The following PJA2 variants were observed in gnomAD, a reference collection of about 807,000 sequenced individuals.
PJA2 encodes the protein E3 ubiquitin-protein ligase Praja-2.
Under a neutral mutation model 69.3 loss-of-function variants are expected in PJA2, and 25 were observed. The ratio of observed to expected loss-of-function variants is 0.36; its 90% CI spans 0.26 to 0.50. PJA2 has a LOEUF of 0.50. Ranked by LOEUF, PJA2 falls within the 20% of genes least tolerant of loss-of-function variation. The pLI is 0.96. For missense variants in PJA2, 809 were observed against 830.2 expected (o/e 0.97, Z 0.31); for synonymous variants, 308 against 277.8 (o/e 1.11, Z -1.08).
chr5:109,398,772 A>T (rs999953524), intron 1 of PJA2, among the ~76,000 whole-genome samples: 2 of 151,326 alleles, frequency 1.3e-5, no homozygotes, highest in Non-Finnish European at 2.9e-5. Context: ...AATTTAAAGT[A>T]TAATTTAAAA....
intron 7 of PJA2, among the ~76,000 whole-genome samples, chr5:109,345,251 G>A (rs1291012117): frequency 6.6e-6 from 1 of 151,516 alleles, no homozygotes; most frequent in Non-Finnish European, 1.5e-5. Context: ...AGCTACTTGG[G>A]AGGCTGAGGC....
At chr5:109,398,758 C>A (rs1747474038) in intron 1 of PJA2, among the ~76,000 whole-genome samples, 2 of 151,640 alleles carry the variant, frequency 1.3e-5, no homozygotes, top group East Asian at 3.9e-4. Flanking sequence ...CACATGTACC[C>A]TAGAATTTAA....
At chr5:109,396,425 T>A (rs1228567379) in intron 1 of PJA2, among the ~76,000 whole-genome samples, 1 of 139,374 alleles carries the variant, frequency 7.2e-6, no homozygotes, top group African/African-American at 2.7e-5. Context: ...TAAAGTTCTT[T>A]TTTTTTTTTT....
At chr5:109,370,272 A>T (rs1186078901) in intron 4 of PJA2, among the ~76,000 whole-genome samples, 2 of 152,198 alleles carry the variant, frequency 1.3e-5, no homozygotes, top group South Asian at 4.1e-4. Context: ...TGGAAAATCA[A>T]AAATAACAAT....
At position 109,344,763 on chromosome 5, in the gene PJA2, T is replaced by C; in HGVS notation, c.1821A>G (p.Pro607=). The change falls in exon 8 of 10, where the codon CCA becomes CCG. Residue 607 remains proline, a synonymous_variant. Coordinates refer to ENST00000361189, the MANE Select transcript of PJA2 (RefSeq NM_014819.5). Reference sequence around the variant, plus strand: ...GACCATCAATGCTTTCCTTACTAGCTGGTGGATTGGCCACCTCAACATCCA... The same window carrying C: ...GACCATCAATGCTTTCCTTACTAGCCGGTGGATTGGCCACCTCAACATCCA... The part of the protein sequence containing the change: ...LAVDVEVANP[P]ASKESIDGLP... 2 of 1,614,160 alleles carry C rather than the reference T, an allele frequency of 1.2e-6. No homozygotes were observed. The highest frequency in any genetic ancestry group is 1.7e-6 in the Non-Finnish European group (2 of 1,180,002).
intron 1 of PJA2, among the ~76,000 whole-genome samples, chr5:109,392,839 C>T (rs1308593148): frequency 1.3e-5 from 2 of 152,098 alleles, no homozygotes; most frequent in South Asian, 4.1e-4. Flanking sequence ...CTGTTTCCCA[C>T]AAAATGCAAA....
intron 2 of PJA2, among the ~76,000 whole-genome samples, chr5:109,382,539 T>C (rs910944060): frequency 2.0e-5 from 3 of 152,302 alleles, no homozygotes; most frequent in Admixed American, 6.5e-5. Context: ...TCTCACAGCA[T>C]ATGGTATAGT....
rs917065348 is a variant in PJA2 at position 109,386,529 on chromosome 5, T to C, written c.-87-3009A>G. 1.1e-4 allele frequency among the ~76,000 whole-genome samples: 16 copies of C among 152,352 alleles called. No homozygotes were observed. In the East Asian group the frequency reaches 3.1e-3, roughly 29 times the overall value. On this transcript the variant is annotated intron_variant, in intron 1 of 9. Transcript: ENST00000361189. Reference sequence around the variant, plus strand: ...TACTCTTCGGAGCCGTCTAACATCCTGATCTAAATTTAGTCTACGTGTTTT... The same window carrying C: ...TACTCTTCGGAGCCGTCTAACATCCCGATCTAAATTTAGTCTACGTGTTTT...
In PJA2 at chr5:109,334,905, CAATT is replaced by C. The variant is rs1761911719; in HGVS notation, c.*2322_*2325del. 6.6e-6 allele frequency: 1 copy of C among 152,348 alleles called. No homozygotes were observed. The highest frequency in any genetic ancestry group is 2.4e-5 in the African/African-American group (1 of 41,362). The allele number at this position is 152,348 out of a possible 1,614,324, so 9.4% of individuals were successfully genotyped here. ...ATCACAAATAATCTTAAGAGTTAAACAATTAAGAAACACAAAGAATACCACATAG... is the reference window on the plus strand; with the variant it reads ...ATCACAAATAATCTTAAGAGTTAAACAAGAAACACAAAGAATACCACATAG... On this transcript the variant is annotated 3_prime_UTR_variant, in exon 10 of 10. Coordinates refer to ENST00000361189, the MANE Select transcript of PJA2 (RefSeq NM_014819.5).
At chr5:109,388,699 A>G (rs1747217278) in intron 1 of PJA2, among the ~76,000 whole-genome samples, 2 of 152,180 alleles carry the variant, frequency 1.3e-5, no homozygotes, top group African/African-American at 4.8e-5. Flanking sequence ...ATCAAATACA[A>G]TTTGATCCTT....
At chr5:109,400,888 C>T (rs1392233435) in intron 1 of PJA2, among the ~76,000 whole-genome samples, 1 of 152,088 alleles carries the variant, frequency 6.6e-6, no homozygotes, top group Non-Finnish European at 1.5e-5. Flanking sequence ...GAGGCTGAGG[C>T]AGGAGACTGG....
intron 5 of PJA2, among the ~76,000 whole-genome samples, chr5:109,366,277 A>C (rs950993131): frequency 2.0e-5 from 3 of 152,234 alleles, no homozygotes; most frequent in Admixed American, 1.3e-4. Flanking sequence ...TAAATATGTA[A>C]TCATAGATTC....
chr5:109,337,701 G>A (rs943546783), intron 9 of PJA2, among the ~76,000 whole-genome samples: 1 of 152,028 alleles, frequency 6.6e-6, no homozygotes, highest in African/African-American at 2.4e-5. Context: ...TCCACATGGA[G>A]GTCAGAGTTT....
intron 5 of PJA2, among the ~76,000 whole-genome samples, chr5:109,364,697 A>T (rs540771142): frequency 6.6e-6 from 1 of 152,204 alleles, no homozygotes; most frequent in Non-Finnish European, 1.5e-5. Flanking sequence ...ATTTGGACAC[A>T]AAACTCAAAC....
chr5:109,335,533 C>T lies in PJA2; in HGVS notation c.*1698G>A, dbSNP rs935333580. 2.0e-4 allele frequency: 31 copies of T among 152,026 alleles called. No homozygotes were observed. The highest frequency in any genetic ancestry group is 6.8e-4 in the African/African-American group (28 of 41,402). The allele number at this position is 152,026 out of a possible 1,614,324, so 9.4% of individuals were successfully genotyped here. On this transcript the variant is annotated 3_prime_UTR_variant, in exon 10 of 10. Coordinates refer to ENST00000361189, the MANE Select transcript of PJA2 (RefSeq NM_014819.5). ...AAATCTTTAGCAACGTAAGTTTAAC[C>T]AGTAAGTGTCACAACTGATCAACAG...
rs77272531 is a variant in PJA2, at chr5:109,394,945, G to A, written c.-87-11425C>T. 1.2e-4 allele frequency among the ~76,000 whole-genome samples: 18 copies of A among 152,154 alleles called. No individual in the cohort carries two copies. In the East Asian group the frequency reaches 2.5e-3, roughly 21 times the overall value. ...TAGTAGAAAAGAGGAGGAATATCTC[G>A]CCTAACAATTCAAAGCCACAACTCA... On this transcript the variant is annotated intron_variant, in intron 1 of 9. Transcript: ENST00000361189.
intron 1 of PJA2, among the ~76,000 whole-genome samples, chr5:109,391,640 G>A (rs1240272917): frequency 6.7e-6 from 1 of 150,304 alleles, no homozygotes; most frequent in Non-Finnish European, 1.5e-5. Context: ...AAAAATGAGA[G>A]AAAATAAAAA....
intron 4 of PJA2, among the ~76,000 whole-genome samples, chr5:109,377,500 A>G (rs111499824): frequency 6.4e-4 from 98 of 152,286 alleles, no homozygotes; most frequent in African/African-American, 2.0e-3. Context: ...AGCAATCAGA[A>G]TGCTTATTAT....
intron 1 of PJA2, among the ~76,000 whole-genome samples, chr5:109,409,472 A>C (rs1747776512): frequency 6.6e-6 from 1 of 152,068 alleles, no homozygotes; most frequent in African/African-American, 2.4e-5. Context: ...TACAGTGGCG[A>C]GTGTAGGGGA....
Sources: allele counts gnomAD v4.1 joint callset (sites outside exome capture counted in the v4.1 genomes callset), GRCh38; gene constraint gnomAD v4.1.1; transcripts MANE v1.5; gene names NCBI Gene and HGNC (gene_info 2026-07-23, HGNC 2026-07-21).